DGKI: variants seen among roughly 807,000 people sequenced by gnomAD.
DGKI encodes DAG kinase iota.
DGKI carries 55 observed loss-of-function variants against 147.5 expected under a neutral mutation model. The observed-to-expected ratio is 0.37, with a 90% CI of 0.30 to 0.47. The LOEUF (loss-of-function observed/expected upper bound fraction) is 0.47. Ranked by LOEUF, DGKI falls within the 20% of genes least tolerant of loss-of-function variation. The pLI is 1.00. For missense variants in DGKI, 1,007 were observed against 1,323.8 expected, an observed-to-expected ratio of 0.76 and a Z score of 3.71; for synonymous variants, 469 against 477.1, an observed-to-expected ratio of 0.98 and a Z score of 0.22.
chr7:137,638,500 A>ATACATATATATGTG (rs1821442746), intron 6 of DGKI, among the ~76,000 whole-genome samples: 10 of 119,354 alleles, frequency 8.4e-5, no homozygotes, highest in Non-Finnish European at 1.5e-4. Context: ...ACACATATAT[A>ATACATATATATGTG]TGTATATATA....
At chr7:137,629,592 T>C (rs1396413218) in intron 6 of DGKI, among the ~76,000 whole-genome samples, 1 of 152,172 alleles carries the variant, frequency 6.6e-6, no homozygotes, top group African/African-American at 2.4e-5. Context: ...CCAACCTAAC[T>C]GAAAACTTTT....
At chr7:137,759,942 C>T (rs866893111) in intron 1 of DGKI, among the ~76,000 whole-genome samples, 5 of 152,112 alleles carry the variant, frequency 3.3e-5, no homozygotes, top group Admixed American at 6.5e-5. Context: ...AACAAAAAGG[C>T]ATACTAGTTG....
intron 1 of DGKI, chr7:137,843,264 T>C (rs945900473): frequency 1.9e-5 from 4 of 208,818 alleles, no homozygotes; most frequent in Non-Finnish European, 3.3e-5. Flanking sequence ...TATATGGGAA[T>C]TCTTACAGCA....
intron 3 of DGKI, among the ~76,000 whole-genome samples, chr7:137,666,730 C>T (rs1485637175): frequency 6.6e-6 from 1 of 152,154 alleles, no homozygotes; most frequent in Non-Finnish European, 1.5e-5. Context: ...TACTGGGCAG[C>T]TCAGGTATTC....
intron 20 of DGKI, among the ~76,000 whole-genome samples, chr7:137,523,379 T>C (rs533940386): frequency 2.6e-5 from 4 of 152,194 alleles, no homozygotes; most frequent in Non-Finnish European, 4.4e-5. Context: ...AGCACATACA[T>C]ATCAAACTAT....
intron 20 of DGKI, among the ~76,000 whole-genome samples, chr7:137,533,751 G>A (rs1376948607): frequency 6.6e-6 from 1 of 151,694 alleles, no homozygotes; most frequent in East Asian, 1.9e-4. Flanking sequence ...GAAAGGCTTT[G>A]GCCTTTTCCT....
intron 28 of DGKI, among the ~76,000 whole-genome samples, chr7:137,423,511 G>A (rs1812662985): frequency 6.6e-6 from 1 of 152,154 alleles, no homozygotes; most frequent in South Asian, 2.1e-4. Flanking sequence ...AAGACTGTTT[G>A]GAAAATGATG....
intron 3 of DGKI, among the ~76,000 whole-genome samples, chr7:137,665,735 G>A (rs1822616313): frequency 6.6e-6 from 1 of 152,110 alleles, no homozygotes; most frequent in Non-Finnish European, 1.5e-5. Context: ...CAGTGCCTGT[G>A]TGTTGTTGTT....
intron 2 of DGKI, among the ~76,000 whole-genome samples, chr7:137,688,794 A>G (rs915223665): frequency 2.6e-4 from 39 of 152,216 alleles, no homozygotes; most frequent in African/African-American, 9.4e-4. Context: ...GTCCTGGAAT[A>G]AAGAAGTAAA....
chr7:137,690,549 T>C (rs1823568555), intron 1 of DGKI, among the ~76,000 whole-genome samples: 1 of 152,230 alleles, frequency 6.6e-6, no homozygotes, highest in Non-Finnish European at 1.5e-5. Context: ...TTTGAGGTTC[T>C]AAATGGGAAA....
At chr7:137,491,203 G>T (rs1312748095) in intron 21 of DGKI, among the ~76,000 whole-genome samples, 1 of 152,168 alleles carries the variant, frequency 6.6e-6, no homozygotes, top group East Asian at 1.9e-4. Context: ...GTTAAAGGAG[G>T]TGGTTAAGAT....
intron 1 of DGKI, chr7:137,722,676 T>C: frequency 6.3e-7 from 1 of 1,580,714 alleles, no homozygotes; most frequent in Non-Finnish European, 8.7e-7. Flanking sequence ...ACCAGGAAGG[T>C]GAGATCTTCG....
chr7:137,714,505 AG>A (rs1408173236), intron 1 of DGKI, among the ~76,000 whole-genome samples: 2 of 152,200 alleles, frequency 1.3e-5, no homozygotes, highest in Non-Finnish European at 2.9e-5. Context: ...GAAGTGGAGA[AG>A]GGCAAGAGAA....
At chr7:137,534,820 A>T (rs982525280) in intron 20 of DGKI, among the ~76,000 whole-genome samples, 3 of 152,116 alleles carry the variant, frequency 2.0e-5, no homozygotes, top group African/African-American at 7.2e-5. Flanking sequence ...TGAAGTTCTA[A>T]CCCATAGCTC....
chr7:137,636,090 C>T (rs1271530014), intron 6 of DGKI, among the ~76,000 whole-genome samples: 1 of 152,186 alleles, frequency 6.6e-6, no homozygotes, highest in Non-Finnish European at 1.5e-5. Context: ...TACCTGACAA[C>T]AGAAGCTGGA....
intron 20 of DGKI, among the ~76,000 whole-genome samples, chr7:137,524,836 C>A (rs1260818684): frequency 6.6e-6 from 1 of 152,110 alleles, no homozygotes; most frequent in Non-Finnish European, 1.5e-5. Flanking sequence ...GGACTAAGAC[C>A]TCGATTGGGC....
intron 6 of DGKI, among the ~76,000 whole-genome samples, chr7:137,643,245 C>G (rs549598898): frequency 2.3e-5 from 3 of 131,774 alleles, no homozygotes; most frequent in Non-Finnish European, 4.6e-5. Flanking sequence ...GAGTGGAGAT[C>G]GCGCCACTGC....
chr7:137,455,724 G>T lies in DGKI; in HGVS notation c.2735+7765C>A, dbSNP rs112683067. 7.1e-3 allele frequency among the ~76,000 whole-genome samples: 1,064 copies of T among 150,410 alleles called. 18 individuals carry two copies. Among genetic ancestry groups the T allele is most frequent in the African/African-American group, 0.025 (1,021 of 41,056 alleles). ...ATGGTGTGGAGATATCTCTTGTTCT[G>T]ATCTTCTTAGAGTAGGGGGTTCAGA... On this transcript the variant is annotated intron_variant, in intron 27 of 32. Transcript: ENST00000614521.
chr7:137,493,126 C>T (rs796144582), intron 21 of DGKI, among the ~76,000 whole-genome samples: 23 of 152,298 alleles, frequency 1.5e-4, no homozygotes, highest in African/African-American at 4.1e-4. Flanking sequence ...ATGAGCGCAA[C>T]CTGCCCCCAT....
Sources: allele counts gnomAD v4.1 joint callset (sites outside exome capture counted in the v4.1 genomes callset), GRCh38; gene constraint gnomAD v4.1.1; transcripts MANE v1.5; gene names NCBI Gene and HGNC (gene_info 2026-07-23, HGNC 2026-07-21).